LOXHD1: variants seen among roughly 807,000 people sequenced by gnomAD.
LOXHD1 encodes the protein lipoxygenase homology PLAT domains 1.
LOXHD1 carries 205 observed loss-of-function variants against 248.2 expected under a neutral mutation model. The ratio of observed to expected loss-of-function variants is 0.83; its 90% CI spans 0.74 to 0.93. The LOEUF is 0.93. Ranked by LOEUF, LOXHD1 falls within the 40% of genes least tolerant of loss-of-function variation. The probability of loss-of-function intolerance (pLI) is 0.00; values close to 1 mark genes in which losing one functional copy is unlikely to be tolerated. For synonymous variants in LOXHD1, 1,113 were observed against 1,162.8 expected (o/e 0.96, Z 0.87); for missense variants, 2,930 against 2,971.6 (o/e 0.99, Z 0.33).
intron 39 of LOXHD1, among the ~76,000 whole-genome samples, chr18:46,484,436 C>T (rs543990354): frequency 2.0e-4 from 31 of 152,224 alleles, no homozygotes; most frequent in Admixed American, 5.9e-4. Flanking sequence ...GAGCTCCCTC[C>T]GCCTTCTGCC....
At chr18:46,490,552 C>T (rs200205922) in intron 37 of LOXHD1, among the ~76,000 whole-genome samples, 3 of 152,168 alleles carry the variant, frequency 2.0e-5, no homozygotes, top group African/African-American at 4.8e-5. Context: ...CTCGGCTCAC[C>T]GCAACCTCCG....
rs1271945686 is a variant in LOXHD1, at chr18:46,477,901, G to T, written c.6393C>A (p.Tyr2131Ter). ...CLIPLKRKRK[Y>*]FKVFEVTKTT... ...TCTTGGTAACCTCGAATACCTTGAA[G>T]TACTTCCTCTTCCTCTTGAGGGGGA... Residue 2131 changes from tyrosine to a stop codon, truncating the protein, a stop_gained, in exon 41 of 41, where the codon TAC (tyrosine) becomes TAA (stop). Coordinates refer to ENST00000642948, the MANE Select transcript of LOXHD1 (RefSeq NM_001384474.1). LOFTEE classifies it high-confidence loss of function. 1.9e-6 allele frequency: 3 copies of T among 1,551,470 alleles called. No individual in the cohort carries two copies. The highest frequency in any genetic ancestry group is 2.6e-6 in the Non-Finnish European group (3 of 1,146,726).
intron 25 of LOXHD1, among the ~76,000 whole-genome samples, chr18:46,540,939 G>T (rs1213961609): frequency 6.6e-6 from 1 of 152,130 alleles, no homozygotes; most frequent in East Asian, 1.9e-4. Flanking sequence ...GCAAAAATTT[G>T]TTCATCACTG....
At chr18:46,607,142 C>G (rs1292728281) in intron 6 of LOXHD1, among the ~76,000 whole-genome samples, 1 of 150,986 alleles carries the variant, frequency 6.6e-6, no homozygotes, top group African/African-American at 2.4e-5. Context: ...GCACTCCAGC[C>G]TCAGTGACAG....
Position 46,566,367 on chromosome 18 carries a change from C to T in LOXHD1, c.2327G>A (p.Arg776His), listed in dbSNP as rs373559161. 132 of 1,551,710 alleles carry T rather than the reference C, an allele frequency of 8.5e-5. 1 individual carries two copies. The highest frequency in any genetic ancestry group is 3.4e-4 in the East Asian group (14 of 40,918). Residue 776 changes from arginine to histidine, a missense_variant, in exon 17 of 41, where the codon CGT (arginine) becomes CAT (histidine). Transcript: ENST00000642948. ...FLGSVQIRVP[R>H]QGKQYTFPAN... ...GGGAAAGGTGTACTGCTTGCCTTGA[C>T]GGGGCACACGGATCTGAACGCTGCC...
chr18:46,571,459 G>A (rs1158449976), intron 15 of LOXHD1, among the ~76,000 whole-genome samples: 1 of 152,050 alleles, frequency 6.6e-6, no homozygotes. Flanking sequence ...GACAGAGTAA[G>A]ACCCTGTTTC....
At chr18:46,553,621 G>A (rs1198728747) in intron 21 of LOXHD1, among the ~76,000 whole-genome samples, 1 of 152,150 alleles carries the variant, frequency 6.6e-6, no homozygotes, top group African/African-American at 2.4e-5. Context: ...ATTCTTCTAC[G>A]TGCTGGGGTG....
rs183427229 is a variant in LOXHD1, at chr18:46,522,167, G to A, written c.5019C>T (p.Phe1673=). ...WLDYPRGKRG[F]SRGSVEEFYV... is the part of the protein sequence containing the mutation. ...AGAACTCCTCCACAGAGCCACGGCTGAAGCCCCTCTTCCCTCGGGGGTAGT... is the reference window on the plus strand; with the variant it reads ...AGAACTCCTCCACAGAGCCACGGCTAAAGCCCCTCTTCCCTCGGGGGTAGT... The change falls in exon 32 of 41, where the codon TTC becomes TTT. Residue 1673 remains phenylalanine, a synonymous_variant. Transcript: ENST00000642948. The A allele has an allele frequency of 4.9e-5, 76 of 1,551,680 alleles. No individual in the cohort carries two copies. In the African/African-American group the frequency reaches 8.8e-4, roughly 18 times the overall value.
At position 46,639,769 on chromosome 18, in the gene LOXHD1, T is replaced by C; in HGVS notation, c.358A>G (p.Ser120Gly). The change falls in exon 4 of 41, where the codon AGC becomes GGC. Residue 120 changes from serine (S) to glycine (G), a missense_variant. Ser to Gly is a moderately conservative substitution (Grantham distance 56). Coordinates refer to ENST00000642948, the MANE Select transcript of LOXHD1 (RefSeq NM_001384474.1). ...IEHDNTGLNASWYLDHVIVTD... is the reference protein window; with the variant it reads ...IEHDNTGLNAGWYLDHVIVTD... The stretch of plus-strand genomic sequence containing the variant: ...ACAATCACATGGTCCAGGTACCAGC[T>C]GGCATTCAAGCCCGTGTTGTCATGC... 1 of 1,551,726 alleles carries C rather than the reference T, an allele frequency of 6.4e-7. No homozygotes were observed. Among genetic ancestry groups the C allele is most frequent in the Non-Finnish European group, 8.7e-7 (1 of 1,146,998 alleles).
At chr18:46,630,750 G>T (rs1306888034) in intron 4 of LOXHD1, among the ~76,000 whole-genome samples, 3 of 146,894 alleles carry the variant, frequency 2.0e-5, no homozygotes, top group Admixed American at 6.9e-5. Context: ...TCACCAAAAG[G>T]GACAACATCA....
rs1282111440 is a variant in LOXHD1, at chr18:46,560,474, G to T, written c.2670C>A (p.Ser890Arg). ...GCAGCCACACGGTGTCCACGAACCA[G>T]CTGGGCCCAAAGCCCTCGCCCGTGT... is the stretch of plus-strand genomic sequence containing the variant. ...LGHTGEGFGP[S>R]WFVDTVWLRH... Residue 890 changes from serine to arginine, a missense_variant, in exon 19 of 41, where the codon AGC becomes AGA. Physicochemically the swap from Ser to Arg is moderately radical, Grantham distance 110. Transcript: ENST00000642948. 1 of 1,540,586 alleles carries T rather than the reference G, an allele frequency of 6.5e-7. No individual in the cohort carries two copies. Among genetic ancestry groups the T allele is most frequent in the East Asian group, 2.4e-5 (1 of 40,898 alleles).
intron 1 of LOXHD1, among the ~76,000 whole-genome samples, chr18:46,654,152 GAA>G (rs1242619814): frequency 6.6e-6 from 1 of 152,206 alleles, no homozygotes; most frequent in Non-Finnish European, 1.5e-5. Context: ...AACACAGCAA[GAA>G]AGTTCTCACC....
At chr18:46,651,895 C>A (rs2039116527) in intron 1 of LOXHD1, among the ~76,000 whole-genome samples, 1 of 152,082 alleles carries the variant, frequency 6.6e-6, no homozygotes. Context: ...AGTCTTTACC[C>A]AAGAGAAATG....
rs1199392309 is a variant in LOXHD1, at chr18:46,477,776, T to C, written c.6518A>G (p.Asn2173Ser). The change falls in exon 41 of 41, where the codon AAC (asparagine) becomes AGC (serine). Residue 2173 changes from asparagine (N) to serine (S), a missense_variant. Physicochemically the swap from Asn to Ser is conservative, Grantham distance 46 (BLOSUM62 1). Coordinates refer to ENST00000642948, the MANE Select transcript of LOXHD1 (RefSeq NM_001384474.1). ...GYEPGAGTDA[N>S]VFVTIFGANG... ...GGCCCCAAAGATGGTCACGAAGACGTTGGCATCAGTGCCTGCCCCTGGCTC... is the reference window on the plus strand; with the variant it reads ...GGCCCCAAAGATGGTCACGAAGACGCTGGCATCAGTGCCTGCCCCTGGCTC... The C allele has an allele frequency of 7.1e-6, 11 of 1,551,874 alleles. No homozygotes were observed. Among genetic ancestry groups the C allele is most frequent in the East Asian group, 4.9e-5 (2 of 40,926 alleles).
intron 18 of LOXHD1, among the ~76,000 whole-genome samples, chr18:46,561,390 C>G (rs927662986): frequency 6.6e-6 from 1 of 152,224 alleles, no homozygotes; most frequent in Admixed American, 6.5e-5. Context: ...GAGACCTGAG[C>G]TCTGTCCTGA....
chr18:46,543,558 C>T (rs2036660013), intron 23 of LOXHD1, among the ~76,000 whole-genome samples: 1 of 152,088 alleles, frequency 6.6e-6, no homozygotes, highest in Non-Finnish European at 1.5e-5. Context: ...CTAAGGCTAT[C>T]CCTACCCTAA....
chr18:46,547,136 A>G (rs2036883740), intron 21 of LOXHD1, 78 bp from the exon 22 acceptor site: 3 of 1,503,510 alleles, frequency 2.0e-6, no homozygotes, highest in Admixed American at 3.9e-5. Flanking sequence ...GCTGAGAATG[A>G]GAGGCCCTCT....
intron 12 of LOXHD1, among the ~76,000 whole-genome samples, chr18:46,585,744 A>T (rs2038047388): frequency 6.6e-6 from 1 of 152,182 alleles, no homozygotes; most frequent in East Asian, 1.9e-4. Flanking sequence ...CAACCCTGAG[A>T]ATGAATAATC....
chr18:46,563,782 G>A (rs528726531), intron 17 of LOXHD1, among the ~76,000 whole-genome samples: 6 of 152,276 alleles, frequency 3.9e-5, no homozygotes, highest in Non-Finnish European at 5.9e-5. Flanking sequence ...GCTGATTGGC[G>A]TCCTTATAAG....
Sources: gnomAD v4.1 joint callset for allele counts (sites outside exome capture counted in the v4.1 genomes callset) on GRCh38, gnomAD v4.1.1 for gene constraint, MANE v1.5 for transcripts, NCBI Gene and HGNC (gene_info 2026-07-23, HGNC 2026-07-21) for gene names.